Variants in ACVR1 observed in about 807,000 individuals in gnomAD.
The protein encoded by ACVR1 is activin A receptor type 1.
Under a neutral mutation model 57.1 loss-of-function variants are expected in ACVR1, and 38 were observed. The observed-to-expected ratio is 0.67, with a 90% CI of 0.51 to 0.87. The LOEUF (loss-of-function observed/expected upper bound fraction) is 0.87, where lower values mean the gene tolerates loss of function less well. ACVR1 is among the 40% of genes least tolerant of loss of function. The pLI is 0.00. For synonymous variants in ACVR1, 212 were observed against 228.1 expected (o/e 0.93, Z 0.63); for missense variants, 463 against 638.2 (o/e 0.73, Z 2.96).
At chr2:157,786,551 T>A (rs1026698767) in intron 3 of ACVR1, among the ~76,000 whole-genome samples, 1 of 152,200 alleles carries the variant, frequency 6.6e-6, no homozygotes, top group African/African-American at 2.4e-5. Context: ...TACCATCACA[T>A]CTGTTCACCT....
At chr2:157,800,543 A>C (rs1259671099) in intron 2 of ACVR1, among the ~76,000 whole-genome samples, 1 of 152,098 alleles carries the variant, frequency 6.6e-6, no homozygotes, top group Non-Finnish European at 1.5e-5. Flanking sequence ...TACCTCCATC[A>C]TATCTTACCA....
chr2:157,842,810 A>G (rs1209323124), intron 1 of ACVR1, among the ~76,000 whole-genome samples: 1 of 152,178 alleles, frequency 6.6e-6, no homozygotes, highest in African/African-American at 2.4e-5. Context: ...TTTAATCTAA[A>G]ATATTAACTC....
intron 2 of ACVR1, among the ~76,000 whole-genome samples, chr2:157,804,643 G>A (rs1687453377): frequency 6.6e-6 from 1 of 152,128 alleles, no homozygotes; most frequent in Admixed American, 6.5e-5. Flanking sequence ...CCTGGTAACT[G>A]ATTTTAGTAT....
chr2:157,800,488 TA>T (rs5835679), intron 2 of ACVR1, among the ~76,000 whole-genome samples: 107,444 of 151,584 alleles, frequency 0.71, 38,937 homozygotes, highest in East Asian at 0.91. Flanking sequence ...TTTTTAAAAT[TA>T]AAAAAAAATC....
At chr2:157,834,371 G>T (rs899627760) in intron 1 of ACVR1, among the ~76,000 whole-genome samples, 26 of 152,136 alleles carry the variant, frequency 1.7e-4, no homozygotes, top group Non-Finnish European at 5.9e-5. Flanking sequence ...AGGATTATAG[G>T]CGTGACCCAC....
intron 1 of ACVR1, among the ~76,000 whole-genome samples, chr2:157,868,304 G>A (rs1230057393): frequency 6.6e-6 from 1 of 151,640 alleles, no homozygotes; most frequent in Non-Finnish European, 1.5e-5. Context: ...CCAACATGGT[G>A]AAACCCCATC....
At chr2:157,802,103 C>T (rs1271963722) in intron 2 of ACVR1, among the ~76,000 whole-genome samples, 1 of 152,124 alleles carries the variant, frequency 6.6e-6, no homozygotes, top group Admixed American at 6.5e-5. Flanking sequence ...TTGAGACTTT[C>T]TGGAGGGTGC....
chr2:157,832,148 A>C (rs1475105636), intron 1 of ACVR1, among the ~76,000 whole-genome samples: 1 of 152,148 alleles, frequency 6.6e-6, no homozygotes, highest in East Asian at 1.9e-4. Flanking sequence ...GTTACTTCCC[A>C]GGCATTGGTA....
At chr2:157,860,551 T>C (rs1315522742) in intron 1 of ACVR1, among the ~76,000 whole-genome samples, 1 of 152,248 alleles carries the variant, frequency 6.6e-6, no homozygotes, top group African/African-American at 2.4e-5. Context: ...TTCAATTTAC[T>C]ATGATACTTT....
chr2:157,871,784 C>T (rs1403367022), intron 1 of ACVR1, among the ~76,000 whole-genome samples: 1 of 152,144 alleles, frequency 6.6e-6, no homozygotes, highest in East Asian at 1.9e-4. Flanking sequence ...ATATTAGGGG[C>T]AGAGGGTGTA....
chr2:157,809,533 G>A (rs1359746344), intron 2 of ACVR1, among the ~76,000 whole-genome samples: 2 of 152,116 alleles, frequency 1.3e-5, no homozygotes, highest in Non-Finnish European at 2.9e-5. Flanking sequence ...GAGACAGGGA[G>A]AGGAGGCAGG....
At chr2:157,833,341 G>T (rs894079348) in intron 1 of ACVR1, among the ~76,000 whole-genome samples, 3 of 152,152 alleles carry the variant, frequency 2.0e-5, no homozygotes, top group Non-Finnish European at 4.4e-5. Flanking sequence ...AAACCCCAGG[G>T]TTAAAGGACT....
At chr2:157,773,560 C>T (rs181468704) in intron 6 of ACVR1, among the ~76,000 whole-genome samples, 2 of 152,180 alleles carry the variant, frequency 1.3e-5, no homozygotes, top group Admixed American at 1.3e-4. Flanking sequence ...TGTCTACATA[C>T]AAATATGTTC....
At chr2:157,817,638 CTTTCT>C (rs1327349910) in intron 2 of ACVR1, among the ~76,000 whole-genome samples, 4 of 151,998 alleles carry the variant, frequency 2.6e-5, no homozygotes, top group African/African-American at 9.7e-5. Context: ...GATGAGAACT[CTTTCT>C]ATTTTCTGCT....
intron 1 of ACVR1, among the ~76,000 whole-genome samples, chr2:157,854,315 T>G (rs992840382): frequency 2.0e-5 from 3 of 152,178 alleles, no homozygotes; most frequent in African/African-American, 7.2e-5. Flanking sequence ...TGGTGATTAT[T>G]TGATACCCAG....
At chr2:157,866,271 A>G (rs904158193) in intron 1 of ACVR1, among the ~76,000 whole-genome samples, 1 of 152,164 alleles carries the variant, frequency 6.6e-6, no homozygotes, top group Non-Finnish European at 1.5e-5. Flanking sequence ...TCCATGTACA[A>G]CACTCACATC....
chr2:157,747,526 A>G (rs1303711703), intron 9 of ACVR1, among the ~76,000 whole-genome samples: 3 of 152,242 alleles, frequency 2.0e-5, no homozygotes, highest in Admixed American at 6.5e-5. Flanking sequence ...TACGAATAAA[A>G]AAGATGATAC....
chr2:157,803,848 A>C (rs1357986807), intron 2 of ACVR1, among the ~76,000 whole-genome samples: 1 of 152,154 alleles, frequency 6.6e-6, no homozygotes, highest in African/African-American at 2.4e-5. Context: ...CAGTGTTAAA[A>C]ATTTAAACAG....
chr2:157,750,268 A>G (rs547088013), intron 9 of ACVR1, among the ~76,000 whole-genome samples: 3 of 152,314 alleles, frequency 2.0e-5, no homozygotes, highest in South Asian at 2.1e-4. Flanking sequence ...CACCGCTGCC[A>G]TTGCTGGCCC....
Sources: allele counts gnomAD v4.1 joint callset (sites outside exome capture counted in the v4.1 genomes callset), GRCh38; gene constraint gnomAD v4.1.1; transcripts MANE v1.5; gene names NCBI Gene and HGNC (gene_info 2026-07-23, HGNC 2026-07-21).